PHYHIPL: variants seen among roughly 807,000 people sequenced by gnomAD.
PHYHIPL encodes phytanoyl-CoA 2-hydroxylase interacting protein like.
In PHYHIPL, 9 loss-of-function variants were observed where a neutral mutation model predicts 33.4. The ratio of observed to expected loss-of-function variants is 0.27; its 90% confidence interval spans 0.16 to 0.47. The LOEUF (loss-of-function observed/expected upper bound fraction) is 0.47. Ranked by LOEUF, PHYHIPL falls within the 20% of genes least tolerant of loss-of-function variation. PHYHIPL has a pLI of 0.99. For missense variants in PHYHIPL, 365 were observed against 460.7 expected (o/e 0.79, Z 1.90); for synonymous variants, 153 against 154.1 (o/e 0.99, Z 0.05).
intron 3 of PHYHIPL, among the ~76,000 whole-genome samples, chr10:59,237,918 G>A (rs1840277674): frequency 2.0e-5 from 3 of 151,774 alleles, no homozygotes; most frequent in Admixed American, 6.6e-5. Context: ...TACATCATAT[G>A]TTCTAATCTC....
chr10:59,206,612 A>T, intron 1 of PHYHIPL: 1 of 203,478 alleles, frequency 4.9e-6, no homozygotes, highest in Non-Finnish European at 9.7e-6. Flanking sequence ...CTCAGTGAAT[A>T]CAACTCATGT....
chr10:59,182,592 C>T (rs549308743), intron 1 of PHYHIPL, among the ~76,000 whole-genome samples: 6 of 152,258 alleles, frequency 3.9e-5, no homozygotes, highest in African/African-American at 1.2e-4. Context: ...CTGCCCGCCT[C>T]GGCCTTCCAA....
In PHYHIPL at chr10:59,211,949, A is replaced by G. The variant is rs115956738; in HGVS notation, c.107-22355A>G. ...AACTGATGTTGGAACTTAATCCCCAATGTTGCAGTATTGAGAGGAGGGACT... is the reference window on the plus strand; with the variant it reads ...AACTGATGTTGGAACTTAATCCCCAGTGTTGCAGTATTGAGAGGAGGGACT... On this transcript the variant is annotated intron_variant, in intron 1 of 4. Coordinates refer to ENST00000373880, the MANE Select transcript of PHYHIPL (RefSeq NM_032439.4). Among the ~76,000 whole-genome samples the G allele has an allele frequency of 4.9e-3, 748 of 152,224 alleles. 12 individuals are homozygous for G. The highest frequency in any genetic ancestry group is 0.017 in the African/African-American group (714 of 41,536).
intron 1 of PHYHIPL, among the ~76,000 whole-genome samples, chr10:59,229,816 G>A (rs1348389199): frequency 6.6e-6 from 1 of 152,180 alleles, no homozygotes; most frequent in Non-Finnish European, 1.5e-5. Context: ...AAGTATGGCT[G>A]CTGGGACTGG....
chr10:59,205,666 A>G (rs1233714332), intron 1 of PHYHIPL, among the ~76,000 whole-genome samples: 1 of 152,210 alleles, frequency 6.6e-6, no homozygotes, highest in Admixed American at 6.5e-5. Context: ...TTCAGGCAGA[A>G]AAAGCAGAAA....
At chr10:59,237,281 C>T (rs1430496967) in intron 3 of PHYHIPL, among the ~76,000 whole-genome samples, 2 of 151,928 alleles carry the variant, frequency 1.3e-5, no homozygotes. Flanking sequence ...AGATTGGAAA[C>T]ATTACCATTC....
At chr10:59,226,916 A>G (rs1228452971) in intron 1 of PHYHIPL, among the ~76,000 whole-genome samples, 1 of 152,200 alleles carries the variant, frequency 6.6e-6, no homozygotes, top group African/African-American at 2.4e-5. Context: ...ATAATATCTC[A>G]TAGAAAAGAA....
chr10:59,202,756 A>G (rs1839157721), intron 1 of PHYHIPL, among the ~76,000 whole-genome samples: 1 of 152,222 alleles, frequency 6.6e-6, no homozygotes, highest in Admixed American at 6.5e-5. Context: ...CTAATTTCAT[A>G]TAGCTATTAA....
intron 1 of PHYHIPL, among the ~76,000 whole-genome samples, chr10:59,202,700 T>C (rs1009575653): frequency 2.0e-5 from 3 of 152,194 alleles, no homozygotes; most frequent in Non-Finnish European, 4.4e-5. Flanking sequence ...AAACTTTCTG[T>C]TTTCCAGTTG....
At chr10:59,180,341 T>A (rs1838380019) in intron 1 of PHYHIPL, among the ~76,000 whole-genome samples, 1 of 78,886 alleles carries the variant, frequency 1.3e-5, no homozygotes, top group African/African-American at 3.2e-5. Context: ...TATATATATA[T>A]ATATATATAT....
intron 1 of PHYHIPL, among the ~76,000 whole-genome samples, chr10:59,211,663 CTAA>C (rs1564710061): frequency 4.5e-4 from 1 of 2,230 alleles, no homozygotes; most frequent in East Asian, 0.062. Context: ...GGCGGACTCT[CTAA>C]AAAAAAAAAA....
intron 4 of PHYHIPL, among the ~76,000 whole-genome samples, chr10:59,242,943 A>G (rs1293087262): frequency 6.6e-6 from 1 of 152,184 alleles, no homozygotes; most frequent in South Asian, 2.1e-4. Context: ...CATGTTGTTA[A>G]AGTCAAGAAG....
chr10:59,247,437 G>T lies in PHYHIPL; in HGVS notation c.*1846G>T. On this transcript the variant is annotated 3_prime_UTR_variant, in exon 5 of 5. Coordinates refer to ENST00000373880, the MANE Select transcript of PHYHIPL (RefSeq NM_032439.4). Reference sequence around the variant, plus strand: ...GGCTACCTGTTGTATTCTTCCCCCCGTTTAAATCCCTTCTCCTTGTATATA... The same window carrying T: ...GGCTACCTGTTGTATTCTTCCCCCCTTTTAAATCCCTTCTCCTTGTATATA... 1 of 718,548 alleles carries T rather than the reference G, an allele frequency of 1.4e-6. No homozygotes were observed. Among genetic ancestry groups the T allele is most frequent in the Non-Finnish European group, 2.3e-6 (1 of 442,872 alleles). 44.5% of individuals were successfully genotyped at this position (718,548 alleles called of 1,614,324 possible). A position where few individuals can be genotyped will look rare whatever the true frequency, so the allele number is the denominator to read the frequency against.
At chr10:59,207,162 A>G (rs2133230634) in intron 1 of PHYHIPL, among the ~76,000 whole-genome samples, 1 of 152,264 alleles carries the variant, frequency 6.6e-6, no homozygotes, top group East Asian at 1.9e-4. Flanking sequence ...GAACAGCTCC[A>G]GTCTGCAGCT....
intron 1 of PHYHIPL, among the ~76,000 whole-genome samples, chr10:59,196,709 G>GC (rs1215893201): frequency 6.6e-6 from 1 of 152,012 alleles, no homozygotes; most frequent in East Asian, 1.9e-4. Context: ...GAGCCACCGC[G>GC]CCCGGCCAAG....
chr10:59,206,885 T>C (rs1839297851), intron 1 of PHYHIPL: 3 of 839,708 alleles, frequency 3.6e-6, no homozygotes, highest in Non-Finnish European at 4.5e-6. Flanking sequence ...TGTTTTTGAC[T>C]TCCCCAAATT....
chr10:59,242,081 T>C (rs1190491785), intron 4 of PHYHIPL, among the ~76,000 whole-genome samples: 1 of 152,116 alleles, frequency 6.6e-6, no homozygotes, highest in Non-Finnish European at 1.5e-5. Flanking sequence ...CTCTATCCTC[T>C]CACATCTGTA....
chr10:59,177,878 A>G (rs1838297329), intron 1 of PHYHIPL, among the ~76,000 whole-genome samples: 1 of 152,230 alleles, frequency 6.6e-6, no homozygotes, highest in African/African-American at 2.4e-5. Flanking sequence ...AAAATTCTAC[A>G]TCTGACAAAG....
upstream of PHYHIPL, among the ~76,000 whole-genome samples, chr10:59,173,957 T>G (rs371145513): frequency 3.8e-3 from 501 of 131,022 alleles, 15 homozygotes; most frequent in South Asian, 0.031. Context: ...TTTTTTTTTT[T>G]TTTGGGGAGG....
Sources: gnomAD v4.1 joint callset for allele counts (sites outside exome capture counted in the v4.1 genomes callset) on GRCh38, gnomAD v4.1.1 for gene constraint, MANE v1.5 for transcripts, NCBI Gene and HGNC (gene_info 2026-07-23, HGNC 2026-07-21) for gene names.